The following SUPT3H variants were observed in gnomAD, a reference collection of about 807,000 sequenced individuals.
SUPT3H encodes the protein transcription initiation protein SPT3 homolog.
SUPT3H carries 44 observed loss-of-function variants against 44.3 expected under a neutral mutation model. That is an observed-to-expected ratio of 0.99 (90% confidence interval 0.78 to 1.28). SUPT3H has a LOEUF of 1.28. SUPT3H is among the 50% of genes most tolerant of loss of function. SUPT3H has a pLI of 0.00. For missense variants in SUPT3H, 380 were observed against 387.1 expected (o/e 0.98, Z 0.15); for synonymous variants, 124 against 125.6 (o/e 0.99, Z 0.09).
At chr6:45,087,075 G>A (rs917372732) in intron 3 of SUPT3H, among the ~76,000 whole-genome samples, 4 of 151,912 alleles carry the variant, frequency 2.6e-5, no homozygotes, top group African/African-American at 9.6e-5. Flanking sequence ...CTAATTATTA[G>A]AAGTTACAAG....
chr6:45,142,405 C>T (rs1410465948), intron 2 of SUPT3H, among the ~76,000 whole-genome samples: 1 of 152,004 alleles, frequency 6.6e-6, no homozygotes, highest in African/African-American at 2.4e-5. Context: ...CATCTCAATA[C>T]TAACATTGAA....
At chr6:44,847,952 CTG>C (rs1421932177) in intron 10 of SUPT3H, among the ~76,000 whole-genome samples, 1 of 127,066 alleles carries the variant, frequency 7.9e-6, no homozygotes, top group Admixed American at 8.1e-5. Context: ...ACAGTTATCT[CTG>C]TGTCTTTTTT....
chr6:45,105,498 G>A (rs899155965), intron 3 of SUPT3H, among the ~76,000 whole-genome samples: 5 of 152,078 alleles, frequency 3.3e-5, no homozygotes, highest in African/African-American at 7.2e-5. Context: ...TAAAAGCTAT[G>A]TTTACACTAT....
intron 2 of SUPT3H, among the ~76,000 whole-genome samples, chr6:45,306,668 GC>G (rs1318800075): frequency 6.6e-6 from 1 of 152,184 alleles, no homozygotes. Context: ...TTCCAAGATG[GC>G]CGAATAGGAA....
At chr6:45,289,026 A>G (rs554802789) in intron 2 of SUPT3H, among the ~76,000 whole-genome samples, 1 of 152,222 alleles carries the variant, frequency 6.6e-6, no homozygotes, top group African/African-American at 2.4e-5. Flanking sequence ...TACTCTCAGC[A>G]TCGGGCCAGG....
At chr6:44,814,450 C>T (rs1423131035) in intron 11 of SUPT3H, among the ~76,000 whole-genome samples, 1 of 152,268 alleles carries the variant, frequency 6.6e-6, no homozygotes, top group Non-Finnish European at 1.5e-5. Context: ...AGTCCCATCA[C>T]ACACACGGTA....
rs374341052 is a variant in SUPT3H, at chr6:44,928,700, G to A, written c.912+3953C>T. Among the ~76,000 whole-genome samples, 17 of 151,144 alleles carry A rather than the reference G, an allele frequency of 1.1e-4. No homozygotes were observed. In the East Asian group the frequency reaches 2.5e-3, roughly 23 times the overall value. The stretch of plus-strand genomic sequence containing the variant: ...CACGAGGTCAGGAGATCGAGACCAC[G>A]GTGAAACCCCGTCTCTACTAAAAAT... On this transcript the variant is annotated intron_variant, in intron 10 of 10. Coordinates refer to ENST00000371459, the MANE Select transcript of SUPT3H (RefSeq NM_003599.4).
intron 6 of SUPT3H, among the ~76,000 whole-genome samples, chr6:44,975,811 G>A (rs1261274013): frequency 1.3e-5 from 2 of 151,894 alleles, no homozygotes; most frequent in Admixed American, 6.6e-5. Flanking sequence ...GATAAGCAGA[G>A]TAAGTAAAAT....
chr6:44,881,052 ATAATAT>A (rs1420593559), intron 10 of SUPT3H, among the ~76,000 whole-genome samples: 1 of 152,154 alleles, frequency 6.6e-6, no homozygotes, highest in African/African-American at 2.4e-5. Flanking sequence ...TTCACACATA[ATAATAT>A]TAATGTAAAC....
In SUPT3H at chr6:45,230,686, A is replaced by ATATTTTTTT. The variant is rs796866510; in HGVS notation, c.102-124681_102-124680insAAAAAAATA. ...TCTATATATATATATATATATATATATTTTTGAGATGGAGTCTTGCTCTAT... is the reference window on the plus strand; with the variant it reads ...TCTATATATATATATATATATATATATATTTTTTTTTTTTGAGATGGAGTCTTGCTCTAT... On this transcript the variant is annotated intron_variant, in intron 2 of 10. Transcript: ENST00000371459. Among the ~76,000 whole-genome samples the ATATTTTTTT allele has an allele frequency of 4.0e-3, 463 of 116,804 alleles. 11 individuals carry two copies. The highest frequency in any genetic ancestry group is 0.014 in the African/African-American group (444 of 31,824). 76.6% of individuals were successfully genotyped at this position (116,804 alleles called of 152,430 possible).
chr6:44,929,780 T>C (rs114009236), intron 10 of SUPT3H, among the ~76,000 whole-genome samples: 31,212 of 151,706 alleles, frequency 0.21, 3,927 homozygotes, highest in Non-Finnish European at 0.29. Context: ...TTTTTTTTTT[T>C]TTTTTAGCAG....
intron 2 of SUPT3H, among the ~76,000 whole-genome samples, chr6:45,217,265 A>G (rs1042310232): frequency 4.6e-5 from 7 of 151,974 alleles, no homozygotes; most frequent in African/African-American, 1.7e-4. Flanking sequence ...TCACAAGGTC[A>G]GGAGTCCAAG....
At chr6:44,880,242 T>C (rs1018233587) in intron 10 of SUPT3H, among the ~76,000 whole-genome samples, 2 of 152,116 alleles carry the variant, frequency 1.3e-5, no homozygotes, top group East Asian at 1.9e-4. Context: ...AATGACCTGA[T>C]AGAGCTGAAA....
At chr6:45,179,056 G>A (rs546057101) in intron 2 of SUPT3H, among the ~76,000 whole-genome samples, 24 of 152,086 alleles carry the variant, frequency 1.6e-4, no homozygotes, top group Non-Finnish European at 2.5e-4. Context: ...TATCACCACC[G>A]ATCCCACAGA....
intron 10 of SUPT3H, among the ~76,000 whole-genome samples, chr6:44,864,280 T>C (rs1194622924): frequency 6.6e-6 from 1 of 152,174 alleles, no homozygotes; most frequent in African/African-American, 2.4e-5. Flanking sequence ...CCATTCCAAA[T>C]GGTAGAAACT....
intron 3 of SUPT3H, among the ~76,000 whole-genome samples, chr6:45,055,286 C>T (rs1790931024): frequency 6.6e-6 from 1 of 152,092 alleles, no homozygotes; most frequent in African/African-American, 2.4e-5. Flanking sequence ...CATCAAAATA[C>T]CATCATCATT....
intron 3 of SUPT3H, among the ~76,000 whole-genome samples, chr6:45,050,714 T>A (rs996685001): frequency 6.6e-6 from 1 of 152,112 alleles, no homozygotes; most frequent in African/African-American, 2.4e-5. Flanking sequence ...ATGTTACATT[T>A]CAAAAGCTAC....
chr6:44,985,902 T>G (rs115069045), intron 6 of SUPT3H, among the ~76,000 whole-genome samples: 3,382 of 152,270 alleles, frequency 0.022, 55 homozygotes, highest in Non-Finnish European at 0.037. Flanking sequence ...TGTAAATAAC[T>G]GAGTGTCCTT....
intron 9 of SUPT3H, among the ~76,000 whole-genome samples, chr6:44,939,201 G>A (rs1218111946): frequency 2.0e-5 from 3 of 152,076 alleles, no homozygotes; most frequent in Non-Finnish European, 4.4e-5. Context: ...GTTGGCTGTG[G>A]GTTTGTAGTA....
Sources: gnomAD v4.1 joint callset for allele counts (sites outside exome capture counted in the v4.1 genomes callset) on GRCh38, gnomAD v4.1.1 for gene constraint, MANE v1.5 for transcripts, NCBI Gene and HGNC (gene_info 2026-07-23, HGNC 2026-07-21) for gene names.